Variants in COL23A1 observed in about 807,000 individuals in gnomAD.
The protein encoded by COL23A1 is collagen alpha-1(XXIII) chain.
A neutral mutation model predicts 99.3 loss-of-function variants in COL23A1; 97 were observed. The ratio of observed to expected loss-of-function variants is 0.98; its 90% CI spans 0.83 to 1.16. The LOEUF (loss-of-function observed/expected upper bound fraction) is 1.16. Among genes scored for constraint, COL23A1 ranks in the 50% most tolerant of loss-of-function variants. The probability of loss-of-function intolerance (pLI) is 0.00; values close to 1 mark genes in which losing one functional copy is unlikely to be tolerated. For synonymous variants in COL23A1, 320 were observed against 308.2 expected (o/e 1.04, Z -0.40); for missense variants, 762 against 757.4 (o/e 1.01, Z -0.07).
At chr5:178,480,551 C>T (rs1757279823) in intron 2 of COL23A1, among the ~76,000 whole-genome samples, 1 of 152,200 alleles carries the variant, frequency 6.6e-6, no homozygotes, top group African/African-American at 2.4e-5. Context: ...TCATTATTAA[C>T]AATTGAAAAT....
chr5:178,252,597 CCT>C lies in COL23A1; in HGVS notation c.961-2_961-1del, dbSNP rs1561791926. 9 of 1,609,510 alleles carry C rather than the reference CCT, an allele frequency of 5.6e-6. No individual in the cohort carries two copies. The highest frequency in any genetic ancestry group is 7.6e-6 in the Non-Finnish European group (9 of 1,178,094). ...GGGGGCCCCTGTGGTCCGGGAGGCC[CCT>C]GTGTGTGAGAGTGAAGCCGGTCAGT... is the stretch of plus-strand genomic sequence containing the variant. On this transcript the variant is annotated splice_acceptor_variant, in intron 16 of 28. Coordinates refer to ENST00000390654, the MANE Select transcript of COL23A1 (RefSeq NM_173465.4). LOFTEE classifies it high-confidence loss of function.
chr5:178,294,579 T>A (rs1230189540), intron 3 of COL23A1, among the ~76,000 whole-genome samples: 11 of 152,116 alleles, frequency 7.2e-5, no homozygotes, highest in Non-Finnish European at 4.4e-5. Flanking sequence ...AGGAGAGATG[T>A]GTTATAACCA....
At chr5:178,272,902 T>TCAGTCA (rs1256274196) in intron 5 of COL23A1, among the ~76,000 whole-genome samples, 1 of 152,084 alleles carries the variant, frequency 6.6e-6, no homozygotes, top group Non-Finnish European at 1.5e-5. Context: ...CCACTCAGTC[T>TCAGTCA]CAGTCACACA....
intron 4 of COL23A1, 32 bp from the exon 5 acceptor site, chr5:178,288,382 A>G: frequency 6.3e-7 from 1 of 1,597,598 alleles, no homozygotes; most frequent in Non-Finnish European, 8.6e-7. Context: ...TAATAATCAG[A>G]GTTTCGGCAG....
At chr5:178,484,590 G>A (rs1757511001) in intron 2 of COL23A1, among the ~76,000 whole-genome samples, 1 of 151,788 alleles carries the variant, frequency 6.6e-6, no homozygotes, top group South Asian at 2.1e-4. Context: ...TTAGGAGGCC[G>A]AGGTGGGCGG....
intron 4 of COL23A1, among the ~76,000 whole-genome samples, chr5:178,289,895 G>A (rs1757362075): frequency 6.6e-6 from 1 of 152,138 alleles, no homozygotes; most frequent in Admixed American, 6.5e-5. Flanking sequence ...CATGACTCCT[G>A]TATGACTGAT....
chr5:178,529,773 A>G (rs1390274971), intron 2 of COL23A1, among the ~76,000 whole-genome samples: 1 of 152,120 alleles, frequency 6.6e-6, no homozygotes, highest in Non-Finnish European at 1.5e-5. Context: ...GCCAGACCTC[A>G]GGCCTGATTT....
At chr5:178,585,607 C>T (rs74580137) in intron 1 of COL23A1, among the ~76,000 whole-genome samples, 9 of 1,214 alleles carry the variant, frequency 7.4e-3, no homozygotes, top group South Asian at 0.038. Flanking sequence ...GGTAACACTC[C>T]ACAGCCCTGG....
At chr5:178,499,930 CTGAA>C (rs1758430315) in intron 2 of COL23A1, among the ~76,000 whole-genome samples, 3 of 152,098 alleles carry the variant, frequency 2.0e-5, no homozygotes, top group African/African-American at 7.2e-5. Flanking sequence ...TATAATTACG[CTGAA>C]TGAAAGAAAC....
chr5:178,418,477 T>C (rs1765428118), intron 2 of COL23A1, among the ~76,000 whole-genome samples: 1 of 152,214 alleles, frequency 6.6e-6, no homozygotes, highest in African/African-American at 2.4e-5. Context: ...TGTGCACCTA[T>C]CTCGGCCATG....
At chr5:178,420,422 TCTCCCCTCCCCCGCTCTTTCCTC>T (rs1765551181) in intron 2 of COL23A1, among the ~76,000 whole-genome samples, 1 of 25,810 alleles carries the variant, frequency 3.9e-5, no homozygotes, top group African/African-American at 4.5e-4. Flanking sequence ...TGACCTCCCT[TCTCCCCTCCCCCGCTCTTTCCTC>T]CTCCCCTCCC....
chr5:178,506,998 T>C (rs955931787), intron 2 of COL23A1, among the ~76,000 whole-genome samples: 1 of 152,234 alleles, frequency 6.6e-6, no homozygotes, highest in African/African-American at 2.4e-5. Context: ...TAATTTTGTT[T>C]TCTAGTTAAA....
intron 1 of COL23A1, among the ~76,000 whole-genome samples, chr5:178,585,603 A>C (rs78270323): frequency 0.11 from 102 of 962 alleles, 9 homozygotes; most frequent in African/African-American, 0.26. Context: ...CTGGGGTAAC[A>C]CTCCACAGCC....
intron 2 of COL23A1, among the ~76,000 whole-genome samples, chr5:178,495,962 A>C (rs1038911229): frequency 2.0e-5 from 3 of 152,214 alleles, no homozygotes; most frequent in Non-Finnish European, 4.4e-5. Context: ...TGCTGAAATA[A>C]GTAAGTCTAT....
At position 178,287,139 on chromosome 5, in the gene COL23A1, C is replaced by CT. The variant is rs573753162; in HGVS notation, c.441+1184dup. On this transcript the variant is annotated intron_variant, in intron 5 of 28. Coordinates refer to ENST00000390654, the MANE Select transcript of COL23A1 (RefSeq NM_173465.4). ...CAGGAGACGGGAGCCTGACCCTTGC[C>CT]TAATCAGAAGAGCAGCTGGGGACTG... Among the ~76,000 whole-genome samples, 11 of 152,390 alleles carry CT rather than the reference C, an allele frequency of 7.2e-5. No individual in the cohort carries two copies. In the East Asian group the frequency reaches 2.1e-3, roughly 29 times the overall value.
chr5:178,569,081 A>G (rs936297803), intron 1 of COL23A1, among the ~76,000 whole-genome samples: 2 of 152,218 alleles, frequency 1.3e-5, no homozygotes, highest in Admixed American at 6.5e-5. Context: ...CATTTTTGCC[A>G]AAAGATCCTG....
rs146651876 is a variant in COL23A1 at position 178,543,073 on chromosome 5, T to C, written c.361+17609A>G. Among the ~76,000 whole-genome samples the C allele has an allele frequency of 2.9e-3, 447 of 151,958 alleles. 6 individuals carry two copies. The highest frequency in any genetic ancestry group is 0.01 in the African/African-American group (417 of 41,456). ...CTGTGGAGCTGTGTGTGTTCGAGGG[T>C]TGGAGAGTGAGATCCTTTTGAGAGC... On this transcript the variant is annotated intron_variant, in intron 2 of 28. Transcript: ENST00000390654.
intron 2 of COL23A1, among the ~76,000 whole-genome samples, chr5:178,353,120 C>T (rs774769598): frequency 4.6e-5 from 7 of 152,036 alleles, no homozygotes; most frequent in Admixed American, 3.3e-4. Flanking sequence ...TGCAGCGTCA[C>T]GTTTAATAGA....
In COL23A1 at chr5:178,306,476, G is replaced by C. The variant is rs571233416; in HGVS notation, c.406+399C>G. Among the ~76,000 whole-genome samples, 4 of 152,088 alleles carry C rather than the reference G, an allele frequency of 2.6e-5. No homozygotes were observed. In the South Asian group the frequency reaches 8.3e-4, roughly 32 times the overall value. On this transcript the variant is annotated intron_variant, in intron 3 of 28. Transcript: ENST00000390654. The surrounding 1 kb of genome is among the most constrained non-coding windows in gnomAD (Gnocchi z 4.1). The stretch of plus-strand genomic sequence containing the variant: ...TCCTCCTGGCGGCTCTGCCAAGGAA[G>C]GACAGGCCACGTCTGGGGAGGGATG...
Sources: allele counts gnomAD v4.1 joint callset (sites outside exome capture counted in the v4.1 genomes callset), GRCh38; gene constraint gnomAD v4.1.1; non-coding constraint Gnocchi (gnomAD v3.1); transcripts MANE v1.5; gene names NCBI Gene and HGNC (gene_info 2026-07-23, HGNC 2026-07-21).